SLC14A2: variants seen among roughly 807,000 people sequenced by gnomAD.
SLC14A2 encodes the protein solute carrier family 14 member 2, also known as urea transporter 2.
In SLC14A2, 91 loss-of-function variants were observed where a neutral mutation model predicts 104.6. The observed-to-expected ratio is 0.87, with a 90% CI of 0.73 to 1.04. The LOEUF is 1.04. SLC14A2 is among the 50% of genes least tolerant of loss of function. The probability of loss-of-function intolerance (pLI) is 0.00; values close to 1 mark genes in which losing one functional copy is unlikely to be tolerated. For missense variants in SLC14A2, 1,189 were observed against 1,156.0 expected, an observed-to-expected ratio of 1.03 and a Z score of -0.41; for synonymous variants, 476 against 466.4, an observed-to-expected ratio of 1.02 and a Z score of -0.27.
intron 3 of SLC14A2, among the ~76,000 whole-genome samples, chr18:45,626,412 A>G (rs997630332): frequency 2.0e-5 from 3 of 152,156 alleles, no homozygotes; most frequent in African/African-American, 7.2e-5. Flanking sequence ...CCAGCAAATG[A>G]GGCAGAATGT....
chr18:45,224,280 T>C (rs1458387973), intron 1 of SLC14A2, among the ~76,000 whole-genome samples: 1 of 152,230 alleles, frequency 6.6e-6, no homozygotes, highest in Non-Finnish European at 1.5e-5. Flanking sequence ...AACACTCTTC[T>C]TCCCCTCTCT....
chr18:45,441,520 G>A (rs2086682011), intron 1 of SLC14A2, among the ~76,000 whole-genome samples: 1 of 152,212 alleles, frequency 6.6e-6, no homozygotes, highest in African/African-American at 2.4e-5. Flanking sequence ...AGTGCTGGAA[G>A]GGCAGTAAGA....
chr18:45,476,114 G>A (rs931621781), intron 1 of SLC14A2, among the ~76,000 whole-genome samples: 6 of 152,052 alleles, frequency 3.9e-5, no homozygotes, highest in Admixed American at 6.6e-5. Flanking sequence ...GCAGTGGCTG[G>A]TACCGGTTTT....
chr18:45,649,191 A>ACAAAAG (rs2045685527), intron 10 of SLC14A2, among the ~76,000 whole-genome samples: 1 of 151,796 alleles, frequency 6.6e-6, no homozygotes, highest in African/African-American at 2.4e-5. Context: ...AAAAACAAAA[A>ACAAAAG]CAAAAAGGCA....
intron 1 of SLC14A2, among the ~76,000 whole-genome samples, chr18:45,219,706 C>A (rs2084043348): frequency 6.6e-6 from 1 of 152,124 alleles, no homozygotes; most frequent in South Asian, 2.1e-4. Flanking sequence ...TTGTCTTTAA[C>A]CTGCGTTTTT....
chr18:45,644,353 A>C, intron 10 of SLC14A2, 193 bp downstream of exon 10: 1 of 525,270 alleles, frequency 1.9e-6, no homozygotes, highest in South Asian at 3.9e-5. Context: ...CTCCATAACT[A>C]TCTATTGTGC....
At chr18:45,260,724 G>A (rs1463120978) in intron 1 of SLC14A2, among the ~76,000 whole-genome samples, 1 of 152,186 alleles carries the variant, frequency 6.6e-6, no homozygotes, top group Non-Finnish European at 1.5e-5. Flanking sequence ...CAAATGCCAT[G>A]TATTTTTACT....
chr18:45,671,761 G>A (rs2046142535), intron 16 of SLC14A2, among the ~76,000 whole-genome samples: 3 of 152,202 alleles, frequency 2.0e-5, no homozygotes, highest in African/African-American at 4.8e-5. Context: ...CACGCGCAGA[G>A]GGAAGAGTTC....
At chr18:45,348,474 T>C (rs1209350513) in intron 1 of SLC14A2, among the ~76,000 whole-genome samples, 1 of 152,142 alleles carries the variant, frequency 6.6e-6, no homozygotes, top group African/African-American at 2.4e-5. Flanking sequence ...AGTAAAGATA[T>C]TGCACCATAT....
At chr18:45,553,960 T>A (rs953211065) in intron 2 of SLC14A2, among the ~76,000 whole-genome samples, 6 of 152,204 alleles carry the variant, frequency 3.9e-5, no homozygotes, top group African/African-American at 1.4e-4. Flanking sequence ...GTGTATGCTG[T>A]GCTGCAAGAT....
chr18:45,312,310 C>T (rs1206927612), intron 1 of SLC14A2, among the ~76,000 whole-genome samples: 1 of 151,930 alleles, frequency 6.6e-6, no homozygotes, highest in Non-Finnish European at 1.5e-5. Context: ...GAGAGACAAT[C>T]AGCTAAGATT....
chr18:45,644,214 C>G (rs1347282045), intron 10 of SLC14A2, 54 bp downstream of exon 10: 1 of 1,570,110 alleles, frequency 6.4e-7, no homozygotes, highest in African/African-American at 1.3e-5. Flanking sequence ...GATGTCCTCT[C>G]CCTGTGTTCT....
At chr18:45,604,564 A>C (rs1484869) in intron 2 of SLC14A2, among the ~76,000 whole-genome samples, 1 of 152,146 alleles carries the variant, frequency 6.6e-6, no homozygotes, top group East Asian at 1.9e-4. Context: ...CAGAGGATAC[A>C]TATGGGGTCT....
intron 1 of SLC14A2, among the ~76,000 whole-genome samples, chr18:45,218,052 G>C (rs914167413): frequency 1.3e-5 from 2 of 151,994 alleles, no homozygotes; most frequent in Non-Finnish European, 2.9e-5. Context: ...CCATTTTAAC[G>C]ATCTTTAAGT....
chr18:45,369,231 T>C (rs906294347), intron 1 of SLC14A2, among the ~76,000 whole-genome samples: 1 of 152,176 alleles, frequency 6.6e-6, no homozygotes, highest in African/African-American at 2.4e-5. Flanking sequence ...GGCAGTTTAG[T>C]CTCCGATGAA....
At chr18:45,604,049 C>G (rs1431988207) in intron 2 of SLC14A2, among the ~76,000 whole-genome samples, 1 of 152,228 alleles carries the variant, frequency 6.6e-6, no homozygotes, top group Admixed American at 6.5e-5. Context: ...GTCACAGACA[C>G]TTCTGCAACA....
At chr18:45,521,696 C>T (rs941073183) in intron 2 of SLC14A2, among the ~76,000 whole-genome samples, 2 of 151,930 alleles carry the variant, frequency 1.3e-5, no homozygotes, top group Non-Finnish European at 2.9e-5. Context: ...ATTCCATAAA[C>T]CAGCAAGTCG....
intron 1 of SLC14A2, among the ~76,000 whole-genome samples, chr18:45,368,130 T>C (rs1310583488): frequency 6.6e-6 from 1 of 151,960 alleles, no homozygotes; most frequent in African/African-American, 2.4e-5. Flanking sequence ...AGAGACACAC[T>C]CTGATGTTTT....
At chr18:45,523,488 C>A (rs1163832206) in intron 2 of SLC14A2, among the ~76,000 whole-genome samples, 4 of 148,920 alleles carry the variant, frequency 2.7e-5, no homozygotes, top group East Asian at 1.9e-4. Flanking sequence ...TACAACCACA[C>A]CCAGCTTTTT....
Sources: allele counts gnomAD v4.1 joint callset (sites outside exome capture counted in the v4.1 genomes callset), GRCh38; gene constraint gnomAD v4.1.1; transcripts MANE v1.5; gene names NCBI Gene and HGNC (gene_info 2026-07-23, HGNC 2026-07-21).